The following ANO7 variants were observed in gnomAD, a reference collection of about 807,000 sequenced individuals.
ANO7 encodes anoctamin-7.
In ANO7, 114 loss-of-function variants were observed where a neutral mutation model predicts 115.8. The observed-to-expected ratio is 0.98, with a 90% CI of 0.85 to 1.15. ANO7 has a LOEUF of 1.15. Ranked by LOEUF, ANO7 falls within the 50% of genes most tolerant of loss-of-function variation. ANO7 has a pLI of 0.00. For missense variants in ANO7, 1,302 were observed against 1,201.2 expected, an observed-to-expected ratio of 1.08 and a Z score of -1.24; for synonymous variants, 550 against 498.2, an observed-to-expected ratio of 1.10 and a Z score of -1.38.
intron 22 of ANO7, 120 bp from the exon 23 acceptor site, chr2:241,223,542 C>A: frequency 6.8e-7 from 1 of 1,478,962 alleles, no homozygotes; most frequent in Non-Finnish European, 9.1e-7. Flanking sequence ...CCTTTTCCTG[C>A]ACAGCTGCTT....
intron 3 of ANO7, among the ~76,000 whole-genome samples, chr2:241,193,336 C>G (rs1038004317): frequency 6.6e-6 from 1 of 152,152 alleles, no homozygotes; most frequent in Non-Finnish European, 1.5e-5. Flanking sequence ...TCCAAAAGTG[C>G]TGGGATTATA....
rs1329683857 is a variant in ANO7 at position 241,210,316 on chromosome 2, C to T, written c.1381C>T (p.Leu461Phe). 1.2e-6 allele frequency: 2 copies of T among 1,613,886 alleles called. No individual in the cohort carries two copies. Among genetic ancestry groups the T allele is most frequent in the Non-Finnish European group, 1.7e-6 (2 of 1,179,986 alleles). ...GCAGGTGGCCGTGGTGGTCATGTGC[C>T]TCGTGTCTATCATCCTGTACCGTGC... is the stretch of plus-strand genomic sequence containing the variant. ...VVMVAVVVMC[L>F]VSIILYRAIM... Residue 461 changes from leucine to phenylalanine, a missense_variant, in exon 14 of 25, where the codon CTC becomes TTC. Coordinates refer to ENST00000674324, the MANE Select transcript of ANO7 (RefSeq NM_001370694.2).
chr2:241,190,835 C>A (rs1286507922), intron 2 of ANO7, among the ~76,000 whole-genome samples: 2 of 152,224 alleles, frequency 1.3e-5, no homozygotes, highest in Admixed American at 1.3e-4. Flanking sequence ...CTCCCCTCTG[C>A]CCCTGGAGGC....
downstream of ANO7, chr2:241,227,395 C>A (rs2069232192): frequency 6.6e-6 from 1 of 152,496 alleles, no homozygotes; most frequent in African/African-American, 2.4e-5. Flanking sequence ...AAAGTTAAGG[C>A]CAAGGGATGG....
Position 241,217,681 on chromosome 2 carries a change from C to A in ANO7, c.1973-5C>A. On this transcript the variant is annotated splice_polypyrimidine_tract_variant and splice_region_variant and intron_variant, in intron 19 of 24. Transcript: ENST00000674324. ...GAGAGCCCGGCCGTGACCCCCTCCC[C>A]GCAGTGCTGCAGTTCGGCTTCGTCA... 1 of 1,575,452 alleles carries A rather than the reference C, an allele frequency of 6.3e-7. No individual in the cohort carries two copies.
At position 241,210,195 on chromosome 2, in the gene ANO7, G is replaced by A; in HGVS notation, c.1360-100G>A. On this transcript the variant is annotated intron_variant, in intron 13 of 24. Transcript: ENST00000674324. ...CCTTCCTAGAGGTGGCAGTGCTGGG[G>A]CCAGCAGTGGACTAGAAGAGCTGTC... is the stretch of plus-strand genomic sequence containing the variant. 4.3e-6 allele frequency: 5 copies of A among 1,166,848 alleles called. No homozygotes were observed. In the Admixed American group the frequency reaches 6.9e-5, roughly 16 times the overall value. 72.3% of individuals were successfully genotyped at this position (1,166,848 alleles called of 1,614,324 possible).
Position 241,223,925 on chromosome 2 carries a change from A to G in ANO7, c.2553A>G (p.Gly851=). 6.2e-7 allele frequency: 1 copy of G among 1,612,648 alleles called. No individual in the cohort carries two copies. The highest frequency in any genetic ancestry group is 8.5e-7 in the Non-Finnish European group (1 of 1,179,980). Residue 851 remains glycine (G), a synonymous_variant, in exon 24 of 25, where the codon GGA becomes GGG. Transcript: ENST00000674324. ...GACAGGTTCTTTTTGGAACGAACGG[A>G]ACAAAGGATGAGCAGCCCGAGGGCT... ...AENEVLFGTN[G]TKDEQPEGSE...
chr2:241,195,943 C>T (rs780174612), intron 4 of ANO7, 98 bp downstream of exon 4: 1 of 1,606,928 alleles, frequency 6.2e-7, no homozygotes, highest in East Asian at 2.2e-5. Context: ...TGTCCAGAGT[C>T]CCAGAGCAGA....
intron 8 of ANO7, 148 bp downstream of exon 8, chr2:241,202,452 G>T (rs2068494709): frequency 7.4e-6 from 5 of 673,656 alleles, no homozygotes; most frequent in Non-Finnish European, 1.3e-5. Context: ...CACACATGCG[G>T]CGATGTGATC....
Position 241,224,401 on chromosome 2 carries a change from AG to A in ANO7, c.*249del. Reference sequence around the variant, plus strand: ...TCTTTGTTTCCTGCTCCCAGACATAAGCCCAAGGGGCCCCTGCACCCAAGGG... The same window carrying A: ...TCTTTGTTTCCTGCTCCCAGACATAACCCAAGGGGCCCCTGCACCCAAGGG... On this transcript the variant is annotated 3_prime_UTR_variant, in exon 25 of 25. Coordinates refer to ENST00000674324, the MANE Select transcript of ANO7 (RefSeq NM_001370694.2). 2 of 538,328 alleles carry A rather than the reference AG, an allele frequency of 3.7e-6. No individual in the cohort carries two copies. The highest frequency in any genetic ancestry group is 6.3e-5 in the East Asian group (2 of 31,522). The allele number at this position is 538,328 out of a possible 1,614,324, so 33.3% of individuals were successfully genotyped here. A position where few individuals can be genotyped will look rare whatever the true frequency, so the allele number is the denominator to read the frequency against.
chr2:241,222,233 CATAAATAA>C lies in ANO7; in HGVS notation c.2322-919_2322-912del, dbSNP rs59653174. Among the ~76,000 whole-genome samples the C allele has an allele frequency of 2.7e-3, 383 of 143,316 alleles. 1 individual carries two copies. The highest frequency in any genetic ancestry group is 4.8e-3 in the East Asian group (22 of 4,574). The allele number at this position is 143,316 out of a possible 152,430, so 94.0% of individuals were successfully genotyped here. ...TGGGCAACAGAGCGAGACTCTGTCT[CATAAATAA>C]ATAAATAAATAAATAAATAAATAAA... On this transcript the variant is annotated intron_variant, in intron 21 of 24. Coordinates refer to ENST00000674324, the MANE Select transcript of ANO7 (RefSeq NM_001370694.2).
chr2:241,202,223 T>C lies in ANO7; in HGVS notation c.642T>C (p.Tyr214=), dbSNP rs1341629484. The C allele has an allele frequency of 1.2e-6, 2 of 1,613,688 alleles. No individual in the cohort carries two copies. The highest frequency in any genetic ancestry group is 3.3e-5 in the Admixed American group (2 of 60,006). ...ILFEILAKTP[Y]GHEKKNLLGI... The stretch of plus-strand genomic sequence containing the variant: ...TTGAGATCCTGGCCAAGACCCCGTA[T>C]GGCCACGAGAAGAAAAACCTGCTTG... Residue 214 remains tyrosine, a synonymous_variant, in exon 8 of 25, where the codon TAT becomes TAC. Transcript: ENST00000674324.
chr2:241,221,473 G>C (rs2069013621), intron 21 of ANO7, among the ~76,000 whole-genome samples: 1 of 152,092 alleles, frequency 6.6e-6, no homozygotes, highest in Non-Finnish European at 1.5e-5. Flanking sequence ...CCGCCTCCTG[G>C]GTTCTTGTGC....
At chr2:241,209,022 G>A (rs763731104) in intron 11 of ANO7, among the ~76,000 whole-genome samples, 105 of 152,302 alleles carry the variant, frequency 6.9e-4, no homozygotes, top group Middle Eastern at 3.4e-3. Flanking sequence ...GGTGGCGGGC[G>A]CCTGTAGTCC....
intron 18 of ANO7, among the ~76,000 whole-genome samples, chr2:241,215,615 G>C (rs1352199645): frequency 6.6e-6 from 1 of 152,224 alleles, no homozygotes; most frequent in Non-Finnish European, 1.5e-5. Context: ...TAAGGTGCAG[G>C]GTGGAGCTCT....
At chr2:241,234,611 A>G in the ANO7 span, among the ~76,000 whole-genome samples, 1 of 152,336 alleles carries the variant, frequency 6.6e-6, no homozygotes, top group South Asian at 2.1e-4. Context: ...CTCTGCTCAC[A>G]CAATCCTCCA....
At chr2:241,236,564 CCTG>C in the ANO7 span, 1 of 1,592,434 alleles carries the variant, frequency 6.3e-7, no homozygotes, top group Non-Finnish European at 8.6e-7. Context: ...TCCCCAGGTG[CCTG>C]CTGACTGGGC....
chr2:241,214,678 C>G (rs975602937), intron 17 of ANO7, 127 bp from the exon 18 acceptor site: 2 of 772,984 alleles, frequency 2.6e-6, no homozygotes, highest in Non-Finnish European at 4.2e-6. Flanking sequence ...CTGCAACCCT[C>G]CAGGTGCCCA....
the ANO7 span, chr2:241,236,900 C>G: frequency 2.4e-6 from 2 of 816,362 alleles, no homozygotes; most frequent in Non-Finnish European, 1.9e-6. Context: ...CACTCCTGTC[C>G]TTCAGGAGGT....
Sources: allele counts gnomAD v4.1 joint callset (sites outside exome capture counted in the v4.1 genomes callset), GRCh38; gene constraint gnomAD v4.1.1; transcripts MANE v1.5; gene names NCBI Gene and HGNC (gene_info 2026-07-23, HGNC 2026-07-21).